AUTS2: variants seen among roughly 807,000 people sequenced by gnomAD.
AUTS2 encodes activator of transcription and developmental regulator AUTS2, also known as autism susceptibility gene 2 protein.
Under a neutral mutation model 112.4 loss-of-function variants are expected in AUTS2, and 17 were observed. The ratio of observed to expected loss-of-function variants is 0.15; its 90% CI spans 0.10 to 0.23. The LOEUF (loss-of-function observed/expected upper bound fraction) is 0.23. Ranked by LOEUF, AUTS2 falls within the 10% of genes least tolerant of loss-of-function variation. The pLI is 1.00. For missense variants in AUTS2, 1,510 were observed against 1,701.6 expected (o/e 0.89, Z 1.98); for synonymous variants, 751 against 702.7 (o/e 1.07, Z -1.09).
chr7:70,370,993 A>T (rs1284613535), intron 4 of AUTS2, among the ~76,000 whole-genome samples: 4 of 152,162 alleles, frequency 2.6e-5, no homozygotes, highest in African/African-American at 9.7e-5. Context: ...CTGAGAAATA[A>T]ATATTAAGAG....
chr7:70,706,327 T>C (rs1361552612), intron 6 of AUTS2, among the ~76,000 whole-genome samples: 2 of 151,930 alleles, frequency 1.3e-5, no homozygotes, highest in African/African-American at 2.4e-5. Context: ...CACTTGGAGG[T>C]GGGTGTGGCG....
chr7:69,973,521 A>G (rs1264038091), intron 2 of AUTS2, among the ~76,000 whole-genome samples: 1 of 152,178 alleles, frequency 6.6e-6, no homozygotes, highest in Non-Finnish European at 1.5e-5. Context: ...TATTTGGGGA[A>G]AAATGCATTC....
chr7:69,894,710 A>C (rs1481770093), intron 1 of AUTS2, among the ~76,000 whole-genome samples: 1 of 152,004 alleles, frequency 6.6e-6, no homozygotes, highest in Non-Finnish European at 1.5e-5. Flanking sequence ...TCTGGTGATA[A>C]TGTTTCTTTT....
chr7:69,990,087 A>G (rs888315748), intron 2 of AUTS2, among the ~76,000 whole-genome samples: 1 of 152,214 alleles, frequency 6.6e-6, no homozygotes, highest in Admixed American at 6.5e-5. Context: ...TTCAAAAAAC[A>G]GAAATAGCAA....
At chr7:70,585,731 C>T (rs1802651607) in intron 5 of AUTS2, among the ~76,000 whole-genome samples, 1 of 152,054 alleles carries the variant, frequency 6.6e-6, no homozygotes. Flanking sequence ...ACAATCTAGC[C>T]AGTTGGTTCA....
chr7:70,443,610 G>A (rs553151906), intron 5 of AUTS2, among the ~76,000 whole-genome samples: 1 of 152,132 alleles, frequency 6.6e-6, no homozygotes, highest in African/African-American at 2.4e-5. Context: ...GGACATACTC[G>A]GGTATATGTG....
At chr7:70,344,630 A>G (rs1433781039) in intron 4 of AUTS2, among the ~76,000 whole-genome samples, 1 of 152,226 alleles carries the variant, frequency 6.6e-6, no homozygotes, top group African/African-American at 2.4e-5. Flanking sequence ...AAGATGATCA[A>G]CATGGGTTAG....
intron 5 of AUTS2, among the ~76,000 whole-genome samples, chr7:70,688,292 G>A (rs1384504789): frequency 2.6e-5 from 4 of 152,146 alleles, no homozygotes; most frequent in Non-Finnish European, 5.9e-5. Context: ...CCAAGATGTG[G>A]ACAAATTCTA....
chr7:70,171,761 G>A (rs916886093), intron 4 of AUTS2, among the ~76,000 whole-genome samples: 3 of 152,164 alleles, frequency 2.0e-5, no homozygotes, highest in African/African-American at 7.2e-5. Flanking sequence ...TCCGGTAAAT[G>A]GAGACGGTTA....
At chr7:70,637,239 C>T (rs1227614825) in intron 5 of AUTS2, among the ~76,000 whole-genome samples, 1 of 152,178 alleles carries the variant, frequency 6.6e-6, no homozygotes, top group Non-Finnish European at 1.5e-5. Flanking sequence ...TCATCTGTGA[C>T]ACTTTCAAAA....
chr7:70,409,546 A>T (rs1159796689), intron 4 of AUTS2, among the ~76,000 whole-genome samples: 1 of 152,084 alleles, frequency 6.6e-6, no homozygotes, highest in Non-Finnish European at 1.5e-5. Flanking sequence ...GTCTTCCATG[A>T]GCGATGTAGG....
chr7:70,014,352 C>T (rs747960103), intron 2 of AUTS2, among the ~76,000 whole-genome samples: 9 of 152,114 alleles, frequency 5.9e-5, no homozygotes, highest in Non-Finnish European at 1.0e-4. Flanking sequence ...ATGCCATTGT[C>T]TTAGCTCTTG....
At chr7:70,211,601 A>G (rs950235562) in intron 4 of AUTS2, among the ~76,000 whole-genome samples, 6 of 150,880 alleles carry the variant, frequency 4.0e-5, no homozygotes, top group African/African-American at 1.5e-4. Context: ...GTGAGCCGAG[A>G]TCGCGCCACT....
chr7:70,515,557 T>C (rs1799381039), intron 5 of AUTS2, among the ~76,000 whole-genome samples: 1 of 152,106 alleles, frequency 6.6e-6, no homozygotes, highest in African/African-American at 2.4e-5. Context: ...TAGAGACTTG[T>C]TGGGTCTATG....
chr7:70,747,085 G>A (rs1788500037), intron 6 of AUTS2, among the ~76,000 whole-genome samples: 1 of 152,102 alleles, frequency 6.6e-6, no homozygotes, highest in Admixed American at 6.6e-5. Flanking sequence ...TGGAGGTAAT[G>A]GTAGGACAGC....
chr7:70,302,443 G>T (rs1040667727), intron 4 of AUTS2, among the ~76,000 whole-genome samples: 6 of 151,858 alleles, frequency 4.0e-5, no homozygotes, highest in Non-Finnish European at 1.5e-5. Flanking sequence ...ATACTAAATG[G>T]GCTTGAATAC....
intron 6 of AUTS2, among the ~76,000 whole-genome samples, chr7:70,705,096 TACAC>T (rs1809664587): frequency 1.3e-5 from 2 of 152,180 alleles, no homozygotes; most frequent in Admixed American, 6.5e-5. Flanking sequence ...GGCAGTAAAA[TACAC>T]ACAGGCAAGC....
intron 1 of AUTS2, among the ~76,000 whole-genome samples, chr7:69,652,288 G>T (rs1795328971): frequency 6.6e-6 from 1 of 151,900 alleles, no homozygotes; most frequent in South Asian, 2.1e-4. Flanking sequence ...AGACACCTGT[G>T]CCTGATAGAG....
intron 1 of AUTS2, among the ~76,000 whole-genome samples, chr7:69,734,808 A>T (rs931501823): frequency 6.6e-6 from 1 of 152,136 alleles, no homozygotes; most frequent in African/African-American, 2.4e-5. Flanking sequence ...AGATTATAAA[A>T]GCTCTGAAAA....
Sources: gnomAD v4.1 joint callset for allele counts (sites outside exome capture counted in the v4.1 genomes callset) on GRCh38, gnomAD v4.1.1 for gene constraint, MANE v1.5 for transcripts, NCBI Gene and HGNC (gene_info 2026-07-23, HGNC 2026-07-21) for gene names.